ATXN1: variants seen among roughly 807,000 people sequenced by gnomAD.
ATXN1 encodes the protein ataxin-1.
ATXN1 carries 8 observed loss-of-function variants against 56.4 expected under a neutral mutation model. That is an observed-to-expected ratio of 0.14 (90% CI 0.08 to 0.26). The LOEUF (loss-of-function observed/expected upper bound fraction) is 0.26. ATXN1 is among the 10% of genes least tolerant of loss of function. The probability of loss-of-function intolerance (pLI) is 1.00; values close to 1 mark genes in which losing one functional copy is unlikely to be tolerated. For missense variants in ATXN1, 987 were observed against 1,106.5 expected (o/e 0.89, Z 1.53); for synonymous variants, 514 against 494.6 (o/e 1.04, Z -0.52).
intron 5 of ATXN1, among the ~76,000 whole-genome samples, chr6:16,519,289 T>A (rs972087932): frequency 2.0e-5 from 3 of 152,210 alleles, no homozygotes; most frequent in Non-Finnish European, 4.4e-5. Flanking sequence ...TAAAGATTTT[T>A]AAAAATGCTT....
chr6:16,347,194 C>T (rs1020018580), intron 6 of ATXN1, among the ~76,000 whole-genome samples: 3 of 152,242 alleles, frequency 2.0e-5, no homozygotes, highest in Non-Finnish European at 2.9e-5. Context: ...AGCGCCCAGT[C>T]CCATCGACCA....
At chr6:16,730,809 A>G (rs1419621087) in intron 2 of ATXN1, among the ~76,000 whole-genome samples, 1 of 152,156 alleles carries the variant, frequency 6.6e-6, no homozygotes, top group Non-Finnish European at 1.5e-5. Context: ...AAGAAGTTAA[A>G]CATGATTTAT....
intron 4 of ATXN1, among the ~76,000 whole-genome samples, chr6:16,580,735 A>C (rs1762513163): frequency 6.6e-6 from 1 of 152,220 alleles, no homozygotes; most frequent in Non-Finnish European, 1.5e-5. Context: ...AAAGTATCCA[A>C]AATAGTTTAA....
At chr6:16,580,107 CA>C (rs527687727) in intron 4 of ATXN1, among the ~76,000 whole-genome samples, 80 of 152,114 alleles carry the variant, frequency 5.3e-4, no homozygotes, top group Non-Finnish European at 9.6e-4. Flanking sequence ...AATCTTATAA[CA>C]GTTGTTTCAA....
chr6:16,317,745 C>A (rs1429280855), intron 7 of ATXN1, among the ~76,000 whole-genome samples: 1 of 152,042 alleles, frequency 6.6e-6, no homozygotes, highest in Non-Finnish European at 1.5e-5. Flanking sequence ...TCTTTCCCTC[C>A]CTCCTCCCAC....
intron 5 of ATXN1, among the ~76,000 whole-genome samples, chr6:16,518,990 T>C (rs1451012824): frequency 6.6e-6 from 1 of 152,184 alleles, no homozygotes. Context: ...ATTTCTTGAG[T>C]TTATCTTTTC....
At chr6:16,402,097 GC>G (rs1209395481) in intron 6 of ATXN1, among the ~76,000 whole-genome samples, 1 of 151,958 alleles carries the variant, frequency 6.6e-6, no homozygotes, top group Non-Finnish European at 1.5e-5. Context: ...GGAAAGACCT[GC>G]CCCCCATGAT....
At chr6:16,561,585 A>G (rs1274024481) in intron 4 of ATXN1, among the ~76,000 whole-genome samples, 6 of 152,230 alleles carry the variant, frequency 3.9e-5, no homozygotes. Context: ...TTTAAAAGAA[A>G]TGTGTTTCAA....
chr6:16,415,958 T>C (rs952424393), intron 6 of ATXN1, among the ~76,000 whole-genome samples: 1 of 152,106 alleles, frequency 6.6e-6, no homozygotes, highest in Non-Finnish European at 1.5e-5. Flanking sequence ...ATCGTTTTTT[T>C]CCCTCCCTTC....
At chr6:16,394,213 G>T (rs564892504) in intron 6 of ATXN1, among the ~76,000 whole-genome samples, 1 of 152,240 alleles carries the variant, frequency 6.6e-6, no homozygotes, top group South Asian at 2.1e-4. Context: ...CTCAACCTGT[G>T]ATTATGGAAG....
At chr6:16,379,965 G>A (rs1762218334) in intron 6 of ATXN1, among the ~76,000 whole-genome samples, 1 of 152,206 alleles carries the variant, frequency 6.6e-6, no homozygotes, top group Admixed American at 6.5e-5. Flanking sequence ...GGTCCACATG[G>A]ACTGTACACA....
At chr6:16,392,165 T>A (rs1758366844) in intron 6 of ATXN1, among the ~76,000 whole-genome samples, 1 of 152,240 alleles carries the variant, frequency 6.6e-6, no homozygotes, top group African/African-American at 2.4e-5. Context: ...TGATCACTCG[T>A]AACCTTGCTG....
intron 6 of ATXN1, among the ~76,000 whole-genome samples, chr6:16,374,722 G>A (rs576165797): frequency 2.1e-4 from 32 of 152,320 alleles, no homozygotes; most frequent in Middle Eastern, 6.8e-3. Flanking sequence ...GATATAGAGC[G>A]AAGCTGGGGC....
At chr6:16,389,260 C>G (rs960848701) in intron 6 of ATXN1, among the ~76,000 whole-genome samples, 1 of 149,764 alleles carries the variant, frequency 6.7e-6, no homozygotes, top group Admixed American at 6.7e-5. Context: ...TCGCTTGAAC[C>G]CGGGAGGCGG....
At position 16,417,563 on chromosome 6, in the gene ATXN1, C is replaced by T. The variant is rs1420686908; in HGVS notation, c.-161+68409G>A. ...AAGCGATTGTCCTGCCTCAGCCTCC[C>T]GAGTAGCTAGGACTACAGGCGCCCA... On this transcript the variant is annotated intron_variant, in intron 6 of 7. Transcript: ENST00000436367. Among the ~76,000 whole-genome samples, 4 of 152,066 alleles carry T rather than the reference C, an allele frequency of 2.6e-5. No individual in the cohort carries two copies. In the East Asian group the frequency reaches 5.8e-4, roughly 22 times the overall value.
chr6:16,697,393 T>A (rs748270680), intron 2 of ATXN1, among the ~76,000 whole-genome samples: 87 of 152,248 alleles, frequency 5.7e-4, no homozygotes, highest in Middle Eastern at 3.4e-3. Context: ...AAATCCCAGT[T>A]AAGGAGACGC....
At chr6:16,344,151 C>G (rs896401304) in intron 6 of ATXN1, among the ~76,000 whole-genome samples, 1 of 152,180 alleles carries the variant, frequency 6.6e-6, no homozygotes, top group African/African-American at 2.4e-5. Context: ...AACCCCATAC[C>G]CTCTGCCTCT....
At chr6:16,649,334 ATTGAAAATGT>A (rs1763855100) in intron 3 of ATXN1, among the ~76,000 whole-genome samples, 1 of 152,238 alleles carries the variant, frequency 6.6e-6, no homozygotes, top group Non-Finnish European at 1.5e-5. Flanking sequence ...GCCTTTCAGA[ATTGAAAATGT>A]TACATCAACC....
At position 16,431,933 on chromosome 6, in the gene ATXN1, C is replaced by T. The variant is rs1241475812; in HGVS notation, c.-161+54039G>A. Among the ~76,000 whole-genome samples, 27 of 152,200 alleles carry T rather than the reference C, an allele frequency of 1.8e-4. 1 individual carries two copies. Among genetic ancestry groups the T allele is most frequent in the Admixed American group, 1.8e-3 (27 of 15,294 alleles). On this transcript the variant is annotated intron_variant, in intron 6 of 7. Transcript: ENST00000436367. ...AGCCTGCTTTTCTGATGAGAGATCG[C>T]GGGGGAGCCAAAGGCAGTTTGCAAA...
Sources: gnomAD v4.1 joint callset for allele counts (sites outside exome capture counted in the v4.1 genomes callset) on GRCh38, gnomAD v4.1.1 for gene constraint, MANE v1.5 for transcripts, NCBI Gene and HGNC (gene_info 2026-07-23, HGNC 2026-07-21) for gene names.